Variants in AASS observed in about 807,000 individuals in gnomAD.
AASS encodes the protein alpha-aminoadipic semialdehyde synthase, mitochondrial.
A neutral mutation model predicts 105.4 loss-of-function variants in AASS; 86 were observed. That is an observed-to-expected ratio of 0.82 (90% CI 0.69 to 0.98). AASS has a LOEUF of 0.98. Among genes scored for constraint, AASS ranks in the 50% least tolerant of loss-of-function variants. AASS has a pLI of 0.00. For missense variants in AASS, 1,048 were observed against 1,143.2 expected (o/e 0.92, Z 1.20); for synonymous variants, 381 against 394.8 (o/e 0.96, Z 0.41).
chr7:122,093,161 T>C lies in AASS; in HGVS notation c.1656-3A>G. Reference sequence around the variant, plus strand: ...GGTGCAATACATAAGGCAACAAGCTTGAAAACAGGAAGAAACTAATCAGAA... The same window carrying C: ...GGTGCAATACATAAGGCAACAAGCTCGAAAACAGGAAGAAACTAATCAGAA... On this transcript the variant is annotated splice_region_variant and splice_polypyrimidine_tract_variant and intron_variant, in intron 15 of 23. Coordinates refer to ENST00000417368, the MANE Select transcript of AASS (RefSeq NM_005763.4). The C allele has an allele frequency of 5.6e-6, 9 of 1,607,770 alleles. 1 individual carries two copies. Among genetic ancestry groups the C allele is most frequent in the Non-Finnish European group, 7.7e-6 (9 of 1,174,314 alleles).
chr7:122,131,628 A>ATG lies in AASS; in HGVS notation c.210+1887_210+1888dup, dbSNP rs752705956. On this transcript the variant is annotated intron_variant, in intron 2 of 23. Coordinates refer to ENST00000417368, the MANE Select transcript of AASS (RefSeq NM_005763.4). ...TCATGATTAAATAATATATATATAT[A>ATG]TGTGTGGGCAACTGTTTGTGTATAT... Among the ~76,000 whole-genome samples the ATG allele has an allele frequency of 2.0e-5, 3 of 151,960 alleles. No individual in the cohort carries two copies. The East Asian group carries it at 5.8e-4, about 29-fold the overall frequency.
At position 122,093,177 on chromosome 7, in the gene AASS, C is replaced by A; in HGVS notation, c.1656-19G>T. ...CAACAAGCTTGAAAACAGGAAGAAA[C>A]TAATCAGAAACTCCCTTTTTCAACT... On this transcript the variant is annotated intron_variant, in intron 15 of 23. Coordinates refer to ENST00000417368, the MANE Select transcript of AASS (RefSeq NM_005763.4). 6.4e-7 allele frequency: 1 copy of A among 1,567,500 alleles called. No individual in the cohort carries two copies. Among genetic ancestry groups the A allele is most frequent in the South Asian group, 1.1e-5 (1 of 90,100 alleles).
At position 122,129,353 on chromosome 7, in the gene AASS, C is replaced by G. The variant is rs554205476; in HGVS notation, c.387+8G>C. The G allele has an allele frequency of 6.4e-7, 1 of 1,572,066 alleles. No homozygotes were observed. Among genetic ancestry groups the G allele is most frequent in the East Asian group, 2.3e-5 (1 of 44,276 alleles). On this transcript the variant is annotated splice_region_variant and intron_variant, in intron 3 of 23. Coordinates refer to ENST00000417368, the MANE Select transcript of AASS (RefSeq NM_005763.4). ...CATTAATATTTATAAATATTAATCA[C>G]TAATTACCTGTTTTAGAATCTCATC...
chr7:122,115,276 G>C, intron 8 of AASS, 54 bp from the exon 9 acceptor site: 1 of 1,588,920 alleles, frequency 6.3e-7, no homozygotes, highest in South Asian at 1.1e-5. Flanking sequence ...TTTTAATACA[G>C]TATACTGAAA....
At chr7:122,079,471 C>A in intron 21 of AASS, 126 bp downstream of exon 21, 1 of 1,067,594 alleles carries the variant, frequency 9.4e-7, no homozygotes, top group Non-Finnish European at 1.4e-6. Flanking sequence ...ACATGGTAAT[C>A]TCTCTACCCA....
At chr7:122,115,698 G>A (rs1362507913) in intron 8 of AASS, among the ~76,000 whole-genome samples, 1 of 152,078 alleles carries the variant, frequency 6.6e-6, no homozygotes, top group Non-Finnish European at 1.5e-5. Flanking sequence ...AAGCTCTATG[G>A]AGCAATGTGC....
intron 11 of AASS, among the ~76,000 whole-genome samples, chr7:122,111,978 G>A (rs279674): frequency 0.63 from 95,330 of 152,098 alleles, 31,698 homozygotes; most frequent in African/African-American, 0.87. Flanking sequence ...AATATCTGAG[G>A]CTCAGAAAGG....
intron 19 of AASS, among the ~76,000 whole-genome samples, chr7:122,083,763 C>A (rs1248379642): frequency 1.3e-5 from 2 of 151,982 alleles, no homozygotes; most frequent in East Asian, 3.9e-4. Context: ...GTGCTATTAA[C>A]CTGCGTCTAG....
At chr7:122,139,637 A>G (rs977264943) in intron 1 of AASS, among the ~76,000 whole-genome samples, 3 of 152,304 alleles carry the variant, frequency 2.0e-5, no homozygotes, top group East Asian at 3.9e-4. Flanking sequence ...TCTCTCTGCT[A>G]CTTTTCAGGC....
At position 122,076,547 on chromosome 7, in the gene AASS, A is replaced by G. The variant is rs1382833883; in HGVS notation, c.2723T>C (p.Leu908Ser). The G allele has an allele frequency of 6.2e-7, 1 of 1,613,852 alleles. No homozygotes were observed. The highest frequency in any genetic ancestry group is 1.3e-5 in the African/African-American group (1 of 74,934). ...PFSKEIYGPI[L>S]ERIKAEGIIY... is the part of the protein sequence containing the mutation. ...AATGCCTTCTGCTTTAATTCGCTCC[A>G]ATATTGGTCCATAGATCTCCTTTGA... Residue 908 changes from leucine (L) to serine (S), a missense_variant, in exon 24 of 24, where the codon TTG becomes TCG. Leu to Ser is a moderately radical substitution (Grantham distance 145). Transcript: ENST00000417368.
At chr7:122,127,496 A>C (rs1795710144) in intron 3 of AASS, among the ~76,000 whole-genome samples, 3 of 152,150 alleles carry the variant, frequency 2.0e-5, no homozygotes, top group Non-Finnish European at 2.9e-5. Context: ...AAAAGTTAAA[A>C]TAACAAAAAA....
intron 11 of AASS, among the ~76,000 whole-genome samples, chr7:122,111,810 G>A (rs1794949508): frequency 6.6e-6 from 1 of 152,088 alleles, no homozygotes; most frequent in Non-Finnish European, 1.5e-5. Context: ...GGCTGAGGCA[G>A]GAAGAATCGC....
At chr7:122,140,159 C>G (rs529072060) in intron 1 of AASS, among the ~76,000 whole-genome samples, 2 of 151,988 alleles carry the variant, frequency 1.3e-5, no homozygotes, top group East Asian at 1.9e-4. Flanking sequence ...CCTACCTAAG[C>G]AAAACAATGC....
In AASS at chr7:122,091,599, A is replaced by T. The variant is rs1793900340; in HGVS notation, c.2016+104T>A. ...CAACACAGGAGGAGATAATGGAGAC[A>T]GGCAGCATCACCATTATTAAAGGGT... is the stretch of plus-strand genomic sequence containing the variant. On this transcript the variant is annotated intron_variant, in intron 18 of 23. Coordinates refer to ENST00000417368, the MANE Select transcript of AASS (RefSeq NM_005763.4). The T allele has an allele frequency of 2.6e-6, 4 of 1,516,706 alleles. No homozygotes were observed. In the Admixed American group the frequency reaches 6.9e-5, roughly 26 times the overall value. The allele number at this position is 1,516,706 out of a possible 1,614,324, so 94.0% of individuals were successfully genotyped here.
Position 122,101,380 on chromosome 7 carries a change from C to T in AASS, c.1397G>A (p.Arg466Gln), listed in dbSNP as rs201224904. Reference protein sequence around the residue: ...PDKYKYIQTLRESRERAQSLS... With the variant: ...PDKYKYIQTLQESRERAQSLS... ...TTTGAACAATACTTACCTGCTCTCC[C>T]GGAGTGTCTGGATATATTTATATTT... Residue 466 changes from arginine (R) to glutamine (Q), a missense_variant, in exon 13 of 24, where the codon CGG (arginine) becomes CAG (glutamine). Physicochemically the swap from Arg to Gln is conservative, Grantham distance 43 (BLOSUM62 1). Coordinates refer to ENST00000417368, the MANE Select transcript of AASS (RefSeq NM_005763.4). 29 of 1,607,582 alleles carry T rather than the reference C, an allele frequency of 1.8e-5. No homozygotes were observed. Among genetic ancestry groups the T allele is most frequent in the African/African-American group, 2.7e-5 (2 of 74,666 alleles).
At position 122,116,615 on chromosome 7, in the gene AASS, G is replaced by A. The variant is rs905378629; in HGVS notation, c.894+18C>T. 6.2e-7 allele frequency: 1 copy of A among 1,613,816 alleles called. No individual in the cohort carries two copies. The highest frequency in any genetic ancestry group is 1.1e-5 in the South Asian group (1 of 91,070). ...TGTATCATAAGCAACCAACTTAAAAGGTGAATATGATACTCACATCAGTAT... is the reference window on the plus strand; with the variant it reads ...TGTATCATAAGCAACCAACTTAAAAAGTGAATATGATACTCACATCAGTAT... On this transcript the variant is annotated intron_variant, in intron 8 of 23. Coordinates refer to ENST00000417368, the MANE Select transcript of AASS (RefSeq NM_005763.4).
At chr7:122,078,457 CA>C (rs1562899099) in intron 22 of AASS, among the ~76,000 whole-genome samples, 1 of 151,882 alleles carries the variant, frequency 6.6e-6, no homozygotes. Flanking sequence ...ACTAAAAATA[CA>C]AAAATTAGCT....
intron 18 of AASS, 89 bp downstream of exon 18, chr7:122,091,614 T>C: frequency 6.3e-7 from 1 of 1,592,834 alleles, no homozygotes; most frequent in Non-Finnish European, 8.6e-7. Context: ...GCATCACCAT[T>C]ATTAAAGGGT....
At position 122,090,513 on chromosome 7, in the gene AASS, T is replaced by C. The variant is rs150103374; in HGVS notation, c.2016+1190A>G. 8.6e-3 allele frequency among the ~76,000 whole-genome samples: 1,305 copies of C among 152,264 alleles called. 8 individuals are homozygous for C. The highest frequency in any genetic ancestry group is 0.014 in the Non-Finnish European group (936 of 68,014). On this transcript the variant is annotated intron_variant, in intron 18 of 23. Coordinates refer to ENST00000417368, the MANE Select transcript of AASS (RefSeq NM_005763.4). Reference sequence around the variant, plus strand: ...ACCTTGTTGCTTAAGAAATTCTTTCTCTCTACTCCTGAAATACATTTCGAT... The same window carrying C: ...ACCTTGTTGCTTAAGAAATTCTTTCCCTCTACTCCTGAAATACATTTCGAT...
Sources: allele counts gnomAD v4.1 joint callset (sites outside exome capture counted in the v4.1 genomes callset), GRCh38; gene constraint gnomAD v4.1.1; transcripts MANE v1.5; gene names NCBI Gene and HGNC (gene_info 2026-07-23, HGNC 2026-07-21).